PTPRN2: variants seen among roughly 807,000 people sequenced by gnomAD.
PTPRN2 encodes receptor-type tyrosine-protein phosphatase N2.
A neutral mutation model predicts 118.8 loss-of-function variants in PTPRN2; 74 were observed. That is an observed-to-expected ratio of 0.62 (90% CI 0.52 to 0.76). The LOEUF (loss-of-function observed/expected upper bound fraction) is 0.76, where lower values mean the gene tolerates loss of function less well. Ranked by LOEUF, PTPRN2 falls within the 30% of genes least tolerant of loss-of-function variation. The pLI, the probability that PTPRN2 is intolerant of heterozygous loss-of-function variation, is 0.00. For missense variants in PTPRN2, 1,481 were observed against 1,394.4 expected (o/e 1.06, Z -0.99); for synonymous variants, 641 against 608.0 (o/e 1.05, Z -0.80).
At chr7:158,138,645 G>C (rs1563493761) in intron 6 of PTPRN2, 130 bp from the exon 7 acceptor site, 1 of 751,402 alleles carries the variant, frequency 1.3e-6, no homozygotes, top group Non-Finnish European at 2.2e-6. Flanking sequence ...CCAGGCGCAG[G>C]CCAGTGCTCA....
chr7:158,541,765 G>C, intron 1 of PTPRN2: 8 of 1,190,010 alleles, frequency 6.7e-6, no homozygotes, highest in African/African-American at 1.6e-5. Context: ...GGCTGCGGAC[G>C]CATAAAAGGG....
intron 12 of PTPRN2, among the ~76,000 whole-genome samples, chr7:157,797,587 C>T (rs186499371): frequency 7.0e-4 from 106 of 152,286 alleles, no homozygotes; most frequent in African/African-American, 2.4e-3. Flanking sequence ...GGACGGGAGG[C>T]GGCCACAGGC....
chr7:157,738,731 G>A (rs921527951), intron 12 of PTPRN2, among the ~76,000 whole-genome samples: 1 of 152,136 alleles, frequency 6.6e-6, no homozygotes, highest in African/African-American at 2.4e-5. Flanking sequence ...GGTTTTGTAT[G>A]TATTATTTCA....
intron 6 of PTPRN2, among the ~76,000 whole-genome samples, chr7:158,150,005 G>T (rs1820796462): frequency 6.6e-6 from 1 of 152,188 alleles, no homozygotes; most frequent in Non-Finnish European, 1.5e-5. Context: ...CCTCATTACA[G>T]ACACATCAGA....
In PTPRN2 at chr7:158,133,935, G is replaced by C; in HGVS notation, c.1298C>G (p.Ser433Cys). ...AGTCTCCTCTTCTGAAGACAGGGAA[G>C]ACTCAGGGTGCTCGGACTTCTTCCT... ...MERKKSEHPE[S>C]SLSSEEETAG... The change falls in exon 9 of 23, where the codon TCT becomes TGT. Residue 433 changes from serine to cysteine, a missense_variant. Ser to Cys is a moderately radical substitution (Grantham distance 112, BLOSUM62 -1). Coordinates refer to ENST00000389418, the MANE Select transcript of PTPRN2 (RefSeq NM_002847.5). 1 of 1,614,014 alleles carries C rather than the reference G, an allele frequency of 6.2e-7. No homozygotes were observed. The highest frequency in any genetic ancestry group is 1.3e-5 in the African/African-American group (1 of 75,062).
intron 15 of PTPRN2, among the ~76,000 whole-genome samples, chr7:157,612,925 C>T (rs1802464164): frequency 6.6e-6 from 1 of 152,134 alleles, no homozygotes; most frequent in Non-Finnish European, 1.5e-5. Context: ...CCACGGCAGC[C>T]GAAGGCCCCG....
chr7:158,042,184 T>A (rs974012652), intron 11 of PTPRN2, among the ~76,000 whole-genome samples: 4 of 152,136 alleles, frequency 2.6e-5, no homozygotes, highest in African/African-American at 9.7e-5. Flanking sequence ...TTTGGGTGCA[T>A]ACTTCATACC....
Position 157,794,594 on chromosome 7 carries a change from T to G in PTPRN2, c.1788+104079A>C, listed in dbSNP as rs1804749448. On this transcript the variant is annotated intron_variant, in intron 12 of 22. Coordinates refer to ENST00000389418, the MANE Select transcript of PTPRN2 (RefSeq NM_002847.5). The surrounding 1 kb of genome is among the most constrained non-coding windows in gnomAD (Gnocchi z 5.2). ...CTTTGTTTAAATGTGGGGATTTCAT[T>G]TCTTCATCGCCTCTGTGAACACCCA... 6.6e-6 allele frequency among the ~76,000 whole-genome samples: 1 copy of G among 152,238 alleles called. No individual in the cohort carries two copies. The highest frequency in any genetic ancestry group is 1.5e-5 in the Non-Finnish European group (1 of 68,042).
intron 1 of PTPRN2, among the ~76,000 whole-genome samples, chr7:158,557,703 A>T (rs930745951): frequency 6.6e-6 from 1 of 152,128 alleles, no homozygotes; most frequent in Non-Finnish European, 1.5e-5. Flanking sequence ...CTCCTCCTCT[A>T]GTGAGCAACC....
At chr7:158,114,319 CTG>C (rs1816550267) in intron 9 of PTPRN2, among the ~76,000 whole-genome samples, 1 of 152,180 alleles carries the variant, frequency 6.6e-6, no homozygotes, top group Non-Finnish European at 1.5e-5. Context: ...GCCTGGGAAT[CTG>C]TGTTTCTCGT....
intron 3 of PTPRN2, among the ~76,000 whole-genome samples, chr7:158,266,906 G>C (rs1038890276): frequency 3.4e-4 from 52 of 152,286 alleles, no homozygotes; most frequent in African/African-American, 1.2e-3. Flanking sequence ...TGCCGCTGTG[G>C]GGCCGGCCTT....
intron 14 of PTPRN2, among the ~76,000 whole-genome samples, chr7:157,642,865 C>T (rs905924836): frequency 1.5e-5 from 2 of 130,104 alleles, no homozygotes; most frequent in Non-Finnish European, 3.2e-5. Flanking sequence ...CGCAGGGCTG[C>T]GGGACAGTGG....
At chr7:157,876,809 G>T (rs940088208) in intron 12 of PTPRN2, among the ~76,000 whole-genome samples, 4 of 152,216 alleles carry the variant, frequency 2.6e-5, no homozygotes, top group African/African-American at 9.6e-5. Context: ...GTGGGTGCCA[G>T]CAGCCACCTG....
intron 2 of PTPRN2, among the ~76,000 whole-genome samples, chr7:158,475,821 T>C (rs1195790353): frequency 6.6e-6 from 1 of 152,158 alleles, no homozygotes; most frequent in African/African-American, 2.4e-5. Flanking sequence ...TACATAAGCA[T>C]CATTAAGGCA....
At chr7:158,439,670 A>G (rs1376509228) in intron 2 of PTPRN2, among the ~76,000 whole-genome samples, 1 of 152,250 alleles carries the variant, frequency 6.6e-6, no homozygotes, top group Non-Finnish European at 1.5e-5. Flanking sequence ...ATGTGTATTA[A>G]TATAAAGATT....
In PTPRN2 at chr7:157,794,935, C is replaced by T. The variant is rs1804769044; in HGVS notation, c.1788+103738G>A. Among the ~76,000 whole-genome samples, 1 of 152,226 alleles carries T rather than the reference C, an allele frequency of 6.6e-6. No homozygotes were observed. The highest frequency in any genetic ancestry group is 2.1e-4 in the South Asian group (1 of 4,826). On this transcript the variant is annotated intron_variant, in intron 12 of 22. Coordinates refer to ENST00000389418, the MANE Select transcript of PTPRN2 (RefSeq NM_002847.5). This position sits in a 1 kb window ranked among gnomAD's most constrained non-coding sequence, Gnocchi z 5.2. Reference sequence around the variant, plus strand: ...GGAGGGATTTCCATGTGAAAGAGGCCAGAGTGCTTCCCTCACTTAGCGGGG... The same window carrying T: ...GGAGGGATTTCCATGTGAAAGAGGCTAGAGTGCTTCCCTCACTTAGCGGGG...
At chr7:157,568,091 T>C (rs138769153) in intron 21 of PTPRN2, among the ~76,000 whole-genome samples, 74 of 152,312 alleles carry the variant, frequency 4.9e-4, no homozygotes, top group African/African-American at 1.7e-3. Context: ...CATGCTTTTG[T>C]AGGAGAAAAT....
intron 12 of PTPRN2, among the ~76,000 whole-genome samples, chr7:157,775,287 TC>T (rs145926814): frequency 0.024 from 3,575 of 152,122 alleles, 64 homozygotes; most frequent in Non-Finnish European, 0.036. Flanking sequence ...GGGACAGAAA[TC>T]CACAGGACCC....
At chr7:158,441,652 GTGA>G (rs1176143407) in intron 2 of PTPRN2, among the ~76,000 whole-genome samples, 21 of 145,220 alleles carry the variant, frequency 1.4e-4, no homozygotes, top group African/African-American at 3.2e-4. Flanking sequence ...GGCAATGGTG[GTGA>G]TGGTGATGGT....
Sources: allele counts gnomAD v4.1 joint callset (sites outside exome capture counted in the v4.1 genomes callset), GRCh38; gene constraint gnomAD v4.1.1; non-coding constraint Gnocchi (gnomAD v3.1); transcripts MANE v1.5; gene names NCBI Gene and HGNC (gene_info 2026-07-23, HGNC 2026-07-21).